HS2ST1: variants seen among roughly 807,000 people sequenced by gnomAD.
HS2ST1 encodes the protein 2-O-sulfotransferase.
HS2ST1 carries 18 observed loss-of-function variants against 42.9 expected under a neutral mutation model. The observed-to-expected ratio is 0.42, with a 90% CI of 0.29 to 0.62. HS2ST1 has a LOEUF of 0.62. Among genes scored for constraint, HS2ST1 ranks in the 20% least tolerant of loss-of-function variants. The pLI, the probability that HS2ST1 is intolerant of heterozygous loss-of-function variation, is 0.21. For synonymous variants in HS2ST1, 146 were observed against 152.9 expected (o/e 0.95, Z 0.33); for missense variants, 334 against 433.8 (o/e 0.77, Z 2.04).
chr1:86,943,983 C>T (rs1360734015), intron 1 of HS2ST1, among the ~76,000 whole-genome samples: 5 of 151,746 alleles, frequency 3.3e-5, no homozygotes, highest in South Asian at 2.1e-4. Context: ...GCCAAGACTG[C>T]GCCATTGCAC....
chr1:86,915,476 T>G (rs1457247258), intron 1 of HS2ST1, among the ~76,000 whole-genome samples: 1 of 152,082 alleles, frequency 6.6e-6, no homozygotes, highest in Non-Finnish European at 1.5e-5. Context: ...GGGGAGCGTG[T>G]GTTGCTGGTC....
intron 1 of HS2ST1, among the ~76,000 whole-genome samples, chr1:87,003,634 G>A (rs1034446178): frequency 4.6e-5 from 7 of 152,064 alleles, no homozygotes; most frequent in South Asian, 2.1e-4. Context: ...CATTGGTTCC[G>A]TACCTGGATT....
chr1:87,051,723 T>C (rs897462732), intron 1 of HS2ST1, among the ~76,000 whole-genome samples: 3 of 152,202 alleles, frequency 2.0e-5, no homozygotes, highest in Non-Finnish European at 2.9e-5. Flanking sequence ...TATCATTGCA[T>C]TGTGGGCATG....
intron 1 of HS2ST1, among the ~76,000 whole-genome samples, chr1:86,915,883 A>C (rs1322148232): frequency 6.6e-6 from 1 of 152,216 alleles, no homozygotes; most frequent in Admixed American, 6.5e-5. Context: ...ATGTTGCTTC[A>C]CGGCAGTGTT....
chr1:86,921,901 C>T (rs1441580549), intron 1 of HS2ST1, among the ~76,000 whole-genome samples: 2 of 152,094 alleles, frequency 1.3e-5, no homozygotes, highest in Non-Finnish European at 2.9e-5. Flanking sequence ...TAATATTAAC[C>T]TACTTGTGTA....
intron 1 of HS2ST1, among the ~76,000 whole-genome samples, chr1:87,054,817 T>A (rs1022013182): frequency 1.3e-5 from 2 of 152,220 alleles, no homozygotes; most frequent in Non-Finnish European, 2.9e-5. Context: ...GCATAATTCC[T>A]TGAATTACTG....
chr1:87,054,514 G>A (rs79011591), intron 1 of HS2ST1, among the ~76,000 whole-genome samples: 35 of 152,300 alleles, frequency 2.3e-4, no homozygotes, highest in Non-Finnish European at 3.2e-4. Flanking sequence ...TATGTCCTCA[G>A]TAATGTCATA....
At chr1:87,000,405 C>G (rs1649248415) in intron 1 of HS2ST1, among the ~76,000 whole-genome samples, 1 of 152,020 alleles carries the variant, frequency 6.6e-6, no homozygotes, top group Non-Finnish European at 1.5e-5. Context: ...TATTTCTTAC[C>G]AAAAAGTATG....
intron 1 of HS2ST1, among the ~76,000 whole-genome samples, chr1:86,997,864 G>A (rs924904116): frequency 1.3e-5 from 2 of 152,148 alleles, no homozygotes; most frequent in African/African-American, 2.4e-5. Context: ...AAAATAGTGT[G>A]CAATTTAAAA....
At chr1:87,044,361 C>G (rs1471116281) in intron 1 of HS2ST1, among the ~76,000 whole-genome samples, 1 of 152,054 alleles carries the variant, frequency 6.6e-6, no homozygotes, top group Non-Finnish European at 1.5e-5. Flanking sequence ...GAAACTATAA[C>G]AATACACAAA....
chr1:87,060,789 C>G (rs571752002), intron 1 of HS2ST1, among the ~76,000 whole-genome samples: 1 of 152,174 alleles, frequency 6.6e-6, no homozygotes, highest in Non-Finnish European at 1.5e-5. Flanking sequence ...CCAAGCTTGG[C>G]AAGTACATTT....
At chr1:87,069,965 C>G (rs139242774) in intron 1 of HS2ST1, among the ~76,000 whole-genome samples, 48 of 152,200 alleles carry the variant, frequency 3.2e-4, no homozygotes, top group African/African-American at 1.1e-3. Context: ...AAAATAGATA[C>G]CTGCTTATGA....
chr1:87,007,486 T>G (rs2100574852), intron 1 of HS2ST1, among the ~76,000 whole-genome samples: 1 of 152,244 alleles, frequency 6.6e-6, no homozygotes, highest in Non-Finnish European at 1.5e-5. Context: ...ACTCAAGCAC[T>G]GTGAGAGCAT....
At chr1:87,055,851 T>C (rs1650955701) in intron 1 of HS2ST1, among the ~76,000 whole-genome samples, 1 of 152,226 alleles carries the variant, frequency 6.6e-6, no homozygotes. Flanking sequence ...CACATAAGAA[T>C]GTCCGTCAGA....
At chr1:86,923,200 T>C (rs79114397) in intron 1 of HS2ST1, among the ~76,000 whole-genome samples, 3,309 of 152,280 alleles carry the variant, frequency 0.022, 42 homozygotes, top group South Asian at 0.053. Flanking sequence ...AAAAATTATG[T>C]ATCATTTCTT....
At chr1:86,998,983 G>A (rs1649191855) in intron 1 of HS2ST1, among the ~76,000 whole-genome samples, 1 of 152,018 alleles carries the variant, frequency 6.6e-6, no homozygotes, top group Non-Finnish European at 1.5e-5. Context: ...TTAAGTTTGA[G>A]AAGTGTAGAT....
At chr1:86,977,728 G>A (rs1648460501) in intron 1 of HS2ST1, among the ~76,000 whole-genome samples, 1 of 152,146 alleles carries the variant, frequency 6.6e-6, no homozygotes, top group African/African-American at 2.4e-5. Flanking sequence ...CTATTCTACT[G>A]GCTATTTGGT....
intron 1 of HS2ST1, among the ~76,000 whole-genome samples, chr1:87,001,700 G>A (rs555786259): frequency 3.3e-5 from 5 of 152,246 alleles, no homozygotes; most frequent in East Asian, 1.9e-4. Flanking sequence ...CACAATCTCC[G>A]CCTCTCGGGT....
intron 2 of HS2ST1, among the ~76,000 whole-genome samples, chr1:87,080,613 T>G (rs1316500467): frequency 6.6e-6 from 1 of 151,920 alleles, no homozygotes; most frequent in Non-Finnish European, 1.5e-5. Flanking sequence ...GAACCAAAAA[T>G]CAGGTGAGCA....
Sources: gnomAD v4.1 joint callset for allele counts (sites outside exome capture counted in the v4.1 genomes callset) on GRCh38, gnomAD v4.1.1 for gene constraint, MANE v1.5 for transcripts, NCBI Gene and HGNC (gene_info 2026-07-23, HGNC 2026-07-21) for gene names.